Variants in HLCS observed in about 807,000 individuals in gnomAD.
HLCS encodes the protein biotin--protein ligase.
A neutral mutation model predicts 75.0 loss-of-function variants in HLCS; 53 were observed. The observed-to-expected ratio is 0.71, with a 90% CI of 0.57 to 0.89. The LOEUF (loss-of-function observed/expected upper bound fraction) is 0.89. Ranked by LOEUF, HLCS falls within the 40% of genes least tolerant of loss-of-function variation. HLCS has a pLI of 0.00. For missense variants in HLCS, 966 were observed against 1,074.0 expected, an observed-to-expected ratio of 0.90 and a Z score of 1.41; for synonymous variants, 431 against 428.6, an observed-to-expected ratio of 1.01 and a Z score of -0.07.
intron 10 of HLCS, 67 bp from the exon 11 acceptor site, chr21:36,754,484 A>G: frequency 6.6e-7 from 1 of 1,512,210 alleles, no homozygotes; most frequent in Non-Finnish European, 9.0e-7. Flanking sequence ...AATGAGCTGA[A>G]GAATAATCCA....
At chr21:36,818,597 G>A (rs148423658) in intron 6 of HLCS, among the ~76,000 whole-genome samples, 29 of 152,250 alleles carry the variant, frequency 1.9e-4, no homozygotes, top group African/African-American at 4.8e-4. Flanking sequence ...CTTAAATAGC[G>A]TTATTATGTG....
At chr21:36,800,791 T>C (rs926493088) in intron 6 of HLCS, among the ~76,000 whole-genome samples, 1 of 152,198 alleles carries the variant, frequency 6.6e-6, no homozygotes, top group African/African-American at 2.4e-5. Flanking sequence ...TCTGTTACCT[T>C]AAAACAGCCT....
At chr21:36,900,052 C>G (rs1389750922) in intron 5 of HLCS, among the ~76,000 whole-genome samples, 3 of 152,036 alleles carry the variant, frequency 2.0e-5, no homozygotes, top group Non-Finnish European at 4.4e-5. Context: ...TTGCAGTGAG[C>G]CAAGATTGCG....
chr21:36,902,344 T>G (rs981073586), intron 5 of HLCS, among the ~76,000 whole-genome samples: 1 of 152,100 alleles, frequency 6.6e-6, no homozygotes, highest in Non-Finnish European at 1.5e-5. Flanking sequence ...AAGGGCCAAG[T>G]GGGGTGGGAC....
At chr21:36,918,350 A>C (rs564617304) in intron 5 of HLCS, among the ~76,000 whole-genome samples, 11 of 152,240 alleles carry the variant, frequency 7.2e-5, no homozygotes, top group Non-Finnish European at 1.5e-4. Flanking sequence ...CACTGGATAT[A>C]AATAGAGGAA....
chr21:36,886,266 C>G (rs2064453316), intron 6 of HLCS, among the ~76,000 whole-genome samples: 1 of 151,358 alleles, frequency 6.6e-6, no homozygotes, highest in South Asian at 2.1e-4. Context: ...CCCGTCTCTA[C>G]TAAAAATACA....
intron 6 of HLCS, among the ~76,000 whole-genome samples, chr21:36,875,467 G>A (rs2146250033): frequency 6.6e-6 from 1 of 152,340 alleles, no homozygotes; most frequent in African/African-American, 2.4e-5. Context: ...CTGGACACAT[G>A]TCGGGACAAC....
At chr21:36,756,843 C>G in intron 9 of HLCS, 88 bp from the exon 10 acceptor site, 1 of 1,603,936 alleles carries the variant, frequency 6.2e-7, no homozygotes, top group Non-Finnish European at 8.5e-7. Context: ...ACAGTCTTGA[C>G]TGTCAACTTC....
intron 5 of HLCS, among the ~76,000 whole-genome samples, chr21:36,904,538 A>G (rs557349347): frequency 5.3e-5 from 8 of 152,328 alleles, no homozygotes; most frequent in South Asian, 2.1e-4. Flanking sequence ...CTTATGAAAC[A>G]TAACTATATA....
At chr21:36,988,559 A>G (rs2069271591) in intron 1 of HLCS, among the ~76,000 whole-genome samples, 1 of 152,198 alleles carries the variant, frequency 6.6e-6, no homozygotes, top group African/African-American at 2.4e-5. Context: ...GCGTTTCTCC[A>G]GAGTAAATTC....
intron 6 of HLCS, among the ~76,000 whole-genome samples, chr21:36,865,661 A>C (rs947952094): frequency 1.2e-4 from 18 of 152,186 alleles, no homozygotes; most frequent in South Asian, 4.1e-4. Flanking sequence ...TGGTTGTTCC[A>C]AACGAATAGT....
chr21:36,779,600 T>C (rs2060466637), intron 6 of HLCS, among the ~76,000 whole-genome samples: 1 of 152,226 alleles, frequency 6.6e-6, no homozygotes, highest in African/African-American at 2.4e-5. Context: ...TCCATATTAC[T>C]GCGAAATCAC....
At chr21:36,935,291 G>C (rs1392382358) in intron 4 of HLCS, among the ~76,000 whole-genome samples, 1 of 152,204 alleles carries the variant, frequency 6.6e-6, no homozygotes, top group Admixed American at 6.5e-5. Context: ...ACCTGCTTGG[G>C]CTGTACGTGT....
At chr21:36,854,884 A>G (rs1053926051) in intron 6 of HLCS, among the ~76,000 whole-genome samples, 6 of 152,206 alleles carry the variant, frequency 3.9e-5, no homozygotes, top group Non-Finnish European at 8.8e-5. Flanking sequence ...TTTTGCGGGT[A>G]CACAGCAAGT....
At chr21:36,796,993 A>T (rs2145903359) in intron 6 of HLCS, among the ~76,000 whole-genome samples, 1 of 152,108 alleles carries the variant, frequency 6.6e-6, no homozygotes, top group Middle Eastern at 3.4e-3. Context: ...CAGCCTCCCA[A>T]GTAGCTGGGA....
intron 5 of HLCS, among the ~76,000 whole-genome samples, chr21:36,910,694 GAA>G (rs2065666266): frequency 6.6e-6 from 1 of 152,096 alleles, no homozygotes; most frequent in African/African-American, 2.4e-5. Flanking sequence ...GCAGGTTTGC[GAA>G]ATGCCTGTCT....
Position 36,872,316 on chromosome 21 carries a change from G to A in HLCS, c.1892+24544C>T, listed in dbSNP as rs1017819742. Among the ~76,000 whole-genome samples the A allele has an allele frequency of 7.9e-5, 12 of 151,726 alleles. No individual in the cohort carries two copies. The East Asian group carries it at 9.7e-4, about 12-fold the overall frequency. On this transcript the variant is annotated intron_variant, in intron 6 of 10. Transcript: ENST00000674895. ...CGGGCGCCTGTAGTCCCAGCTACTCGGGAGGCGGAGTTTGCAGTGAGCCGA... is the reference window on the plus strand; with the variant it reads ...CGGGCGCCTGTAGTCCCAGCTACTCAGGAGGCGGAGTTTGCAGTGAGCCGA...
rs1001451350 is a variant in HLCS, at chr21:36,864,518, T to C, written c.1892+32342A>G. ...CCTAATCCTGCTTAAAAGTCTTACTTCTCTGTTTTATCTACAATAAAAATA... is the reference window on the plus strand; with the variant it reads ...CCTAATCCTGCTTAAAAGTCTTACTCCTCTGTTTTATCTACAATAAAAATA... On this transcript the variant is annotated intron_variant, in intron 6 of 10. Coordinates refer to ENST00000674895, the MANE Select transcript of HLCS (RefSeq NM_001352514.2). Among the ~76,000 whole-genome samples the C allele has an allele frequency of 2.0e-5, 3 of 152,306 alleles. No homozygotes were observed. The South Asian group carries it at 6.2e-4, about 32-fold the overall frequency.
intron 5 of HLCS, among the ~76,000 whole-genome samples, chr21:36,926,717 C>T (rs1050879599): frequency 6.7e-6 from 1 of 150,180 alleles, no homozygotes; most frequent in African/African-American, 2.4e-5. Flanking sequence ...CCATATATAC[C>T]AGATTTCCTT....
Sources: allele counts gnomAD v4.1 joint callset (sites outside exome capture counted in the v4.1 genomes callset), GRCh38; gene constraint gnomAD v4.1.1; transcripts MANE v1.5; gene names NCBI Gene and HGNC (gene_info 2026-07-23, HGNC 2026-07-21).